UST: variants seen among roughly 807,000 people sequenced by gnomAD.
UST encodes chondroitin sulfate 2-O-sulfotransferase.
In UST, 21 loss-of-function variants were observed where a neutral mutation model predicts 45.6. The ratio of observed to expected loss-of-function variants is 0.46; its 90% confidence interval spans 0.33 to 0.66. UST has a LOEUF of 0.66. Among genes scored for constraint, UST ranks in the 30% least tolerant of loss-of-function variants. UST has a pLI of 0.02. For missense variants in UST, 463 were observed against 512.4 expected, an observed-to-expected ratio of 0.90 and a Z score of 0.93; for synonymous variants, 215 against 200.6, an observed-to-expected ratio of 1.07 and a Z score of -0.61.
chr6:148,850,557 T>C (rs559160526), intron 1 of UST, among the ~76,000 whole-genome samples: 4 of 152,300 alleles, frequency 2.6e-5, no homozygotes, highest in Admixed American at 2.6e-4. Context: ...TTGGCAATAG[T>C]GGCCTCATTA....
intron 5 of UST, among the ~76,000 whole-genome samples, chr6:149,014,687 G>A (rs1156553629): frequency 6.6e-6 from 1 of 152,196 alleles, no homozygotes; most frequent in Non-Finnish European, 1.5e-5. Context: ...GAGACTAGGT[G>A]AGGAGGGAGG....
chr6:148,760,234 G>T (rs992884911), intron 1 of UST, among the ~76,000 whole-genome samples: 1 of 152,204 alleles, frequency 6.6e-6, no homozygotes, highest in Non-Finnish European at 1.5e-5. Context: ...GAAGCAGAAT[G>T]TCCCCAGGAA....
chr6:148,747,359 G>T lies in UST; in HGVS notation c.-72G>T. 2 of 1,360,248 alleles carry T rather than the reference G, an allele frequency of 1.5e-6. No homozygotes were observed. Among genetic ancestry groups the T allele is most frequent in the Non-Finnish European group, 9.5e-7 (1 of 1,052,116 alleles). 84.3% of individuals were successfully genotyped at this position (1,360,248 alleles called of 1,614,324 possible). ...TCCCCATGTGCAGCCGGCCAGCCGG[G>T]CTCTCCTCCTCGCGGCGGATGGGTG... On this transcript the variant is annotated 5_prime_UTR_variant, in exon 1 of 8. Transcript: ENST00000367463.
At chr6:148,998,357 A>G (rs1299673291) in intron 5 of UST, among the ~76,000 whole-genome samples, 2 of 152,168 alleles carry the variant, frequency 1.3e-5, no homozygotes, top group African/African-American at 2.4e-5. Context: ...TAACAGGTGA[A>G]ATGAACAGAT....
chr6:148,818,465 T>C (rs1432419943), intron 1 of UST, among the ~76,000 whole-genome samples: 1 of 152,164 alleles, frequency 6.6e-6, no homozygotes, highest in Non-Finnish European at 1.5e-5. Flanking sequence ...CCTAATTCAG[T>C]TGGTGGGAAA....
intron 1 of UST, among the ~76,000 whole-genome samples, chr6:148,769,990 C>G (rs2114671641): frequency 6.6e-6 from 1 of 151,794 alleles, no homozygotes; most frequent in African/African-American, 2.4e-5. Flanking sequence ...TCTGTATGTC[C>G]TAAGATCTCT....
At chr6:149,041,326 C>A (rs1582972613) in intron 7 of UST, among the ~76,000 whole-genome samples, 1 of 152,252 alleles carries the variant, frequency 6.6e-6, no homozygotes, top group Non-Finnish European at 1.5e-5. Flanking sequence ...TCCTCTTGGA[C>A]CTCCAGCCCA....
intron 5 of UST, chr6:149,005,689 A>G: frequency 1.2e-6 from 1 of 854,540 alleles, no homozygotes; most frequent in Non-Finnish European, 1.4e-6. Flanking sequence ...ATTTCTTGGA[A>G]GCACATTGAG....
At chr6:148,921,232 G>A (rs1325942146) in intron 2 of UST, among the ~76,000 whole-genome samples, 1 of 152,224 alleles carries the variant, frequency 6.6e-6, no homozygotes. Flanking sequence ...GTTCCATGAA[G>A]ACAGAGCTCC....
chr6:148,987,974 G>A (rs1781267804), intron 5 of UST, among the ~76,000 whole-genome samples: 1 of 152,096 alleles, frequency 6.6e-6, no homozygotes, highest in Non-Finnish European at 1.5e-5. Context: ...TGTCTAAGGA[G>A]AGAGGCACAC....
intron 5 of UST, among the ~76,000 whole-genome samples, chr6:149,010,913 A>AAAAAACAAAAAAAC (rs1554234083): frequency 2.2e-5 from 2 of 92,968 alleles, no homozygotes; most frequent in African/African-American, 8.7e-5. Context: ...AAAAAAAAAA[A>AAAAAACAAAAAAAC]AAAAAACTGT....
chr6:149,023,647 C>T (rs1455870390), intron 7 of UST, among the ~76,000 whole-genome samples: 1 of 152,148 alleles, frequency 6.6e-6, no homozygotes, highest in East Asian at 1.9e-4. Flanking sequence ...CATCACCATC[C>T]ATCCTGAGGT....
At chr6:149,017,553 T>G (rs1463503257) in intron 5 of UST, among the ~76,000 whole-genome samples, 2 of 152,164 alleles carry the variant, frequency 1.3e-5, no homozygotes, top group South Asian at 2.1e-4. Flanking sequence ...GTAAACATGT[T>G]GATTTTTATA....
In UST at chr6:148,985,434, G is replaced by A. The variant is rs1303685079; in HGVS notation, c.681+20871G>A. On this transcript the variant is annotated intron_variant, in intron 5 of 7. Coordinates refer to ENST00000367463, the MANE Select transcript of UST (RefSeq NM_005715.3). Reference sequence around the variant, plus strand: ...AAAAACTGAACAAGAGTCCCAGGAAGAGTACAATATAGAGGTGTGGTGGTG... The same window carrying A: ...AAAAACTGAACAAGAGTCCCAGGAAAAGTACAATATAGAGGTGTGGTGGTG... Among the ~76,000 whole-genome samples, 5 of 152,248 alleles carry A rather than the reference G, an allele frequency of 3.3e-5. No homozygotes were observed. In the East Asian group the frequency reaches 9.6e-4, roughly 29 times the overall value.
chr6:148,878,427 T>C, intron 1 of UST, among the ~76,000 whole-genome samples: 1 of 95,324 alleles, frequency 1.0e-5, no homozygotes, highest in Non-Finnish European at 2.0e-5. Context: ...GGGGGTCGTG[T>C]ATGAGTGTGG....
At chr6:148,870,991 C>A (rs1323157985) in intron 1 of UST, among the ~76,000 whole-genome samples, 1 of 152,008 alleles carries the variant, frequency 6.6e-6, no homozygotes, top group Non-Finnish European at 1.5e-5. Context: ...TATATTGAAG[C>A]CCTAACCCCC....
intron 7 of UST, among the ~76,000 whole-genome samples, chr6:149,064,775 T>C (rs1399203167): frequency 6.6e-6 from 1 of 152,140 alleles, no homozygotes; most frequent in Non-Finnish European, 1.5e-5. Context: ...AGCCCTGGCC[T>C]CTTTCACGGG....
At chr6:148,999,542 C>A (rs1304366719) in intron 5 of UST, among the ~76,000 whole-genome samples, 1 of 152,226 alleles carries the variant, frequency 6.6e-6, no homozygotes, top group Non-Finnish European at 1.5e-5. Flanking sequence ...ACCATTAAGA[C>A]AAACTCACTG....
chr6:148,772,692 G>T (rs1408044164), intron 1 of UST, among the ~76,000 whole-genome samples: 2 of 152,048 alleles, frequency 1.3e-5, no homozygotes, highest in Admixed American at 1.3e-4. Context: ...CCAAAGTGCT[G>T]GGATTACAGG....
Sources: gnomAD v4.1 joint callset for allele counts (sites outside exome capture counted in the v4.1 genomes callset) on GRCh38, gnomAD v4.1.1 for gene constraint, MANE v1.5 for transcripts, NCBI Gene and HGNC (gene_info 2026-07-23, HGNC 2026-07-21) for gene names.